Variants in CACNA2D2 observed in about 807,000 individuals in gnomAD.
CACNA2D2 encodes voltage-dependent calcium channel subunit alpha-2/delta-2.
In CACNA2D2, 48 loss-of-function variants were observed where a neutral mutation model predicts 166.4. That is an observed-to-expected ratio of 0.29 (90% CI 0.23 to 0.37). The LOEUF (loss-of-function observed/expected upper bound fraction) is 0.37. Ranked by LOEUF, CACNA2D2 falls within the 10% of genes least tolerant of loss-of-function variation. The pLI, the probability that CACNA2D2 is intolerant of heterozygous loss-of-function variation, is 1.00. For missense variants in CACNA2D2, 1,122 were observed against 1,433.0 expected (o/e 0.78, Z 3.50); for synonymous variants, 561 against 573.7 (o/e 0.98, Z 0.32).
intron 1 of CACNA2D2, among the ~76,000 whole-genome samples, chr3:50,478,788 G>T (rs1249218067): frequency 1.3e-5 from 2 of 152,154 alleles, no homozygotes; most frequent in Non-Finnish European, 2.9e-5. Context: ...TCTGCATTTG[G>T]TACCATCACC....
chr3:50,381,481 G>C (rs1705311372), intron 6 of CACNA2D2, among the ~76,000 whole-genome samples: 1 of 152,054 alleles, frequency 6.6e-6, no homozygotes, highest in Non-Finnish European at 1.5e-5. Flanking sequence ...AGCTAGCACT[G>C]GTCCCCCAGG....
intron 13 of CACNA2D2, 121 bp downstream of exon 13, chr3:50,378,794 A>C (rs931922652): frequency 5.2e-6 from 6 of 1,163,822 alleles, no homozygotes; most frequent in Non-Finnish European, 1.3e-6. Context: ...GGATGGGAGG[A>C]GGCACACTGT....
chr3:50,467,023 G>A (rs1009608767), intron 2 of CACNA2D2, among the ~76,000 whole-genome samples: 2 of 152,328 alleles, frequency 1.3e-5, no homozygotes, highest in South Asian at 2.1e-4. Flanking sequence ...GGGGGAGTGA[G>A]GAGTGTGGCA....
intron 22 of CACNA2D2, 71 bp downstream of exon 22, chr3:50,374,666 G>A: frequency 6.6e-7 from 1 of 1,525,236 alleles, no homozygotes; most frequent in South Asian, 1.2e-5. Context: ...CGCTGGCTAT[G>A]CTGCCTGGGG....
At chr3:50,436,799 T>C (rs1708372233) in intron 2 of CACNA2D2, among the ~76,000 whole-genome samples, 1 of 152,214 alleles carries the variant, frequency 6.6e-6, no homozygotes, top group Non-Finnish European at 1.5e-5. Context: ...ATCGGCTCCA[T>C]TCCTGAGCTG....
At chr3:50,404,732 A>G (rs1706612937) in intron 3 of CACNA2D2, among the ~76,000 whole-genome samples, 1 of 152,182 alleles carries the variant, frequency 6.6e-6, no homozygotes, top group Non-Finnish European at 1.5e-5. Flanking sequence ...GAGGTCAGTG[A>G]GCATTACAGA....
chr3:50,495,897 C>T (rs1471669543), intron 1 of CACNA2D2, among the ~76,000 whole-genome samples: 4 of 152,194 alleles, frequency 2.6e-5, no homozygotes, highest in Non-Finnish European at 5.9e-5. Context: ...CCTCTGAGTC[C>T]CAAGTCCTCC....
intron 22 of CACNA2D2, among the ~76,000 whole-genome samples, chr3:50,373,720 A>G (rs1575594368): frequency 7.4e-6 from 1 of 135,800 alleles, no homozygotes; most frequent in African/African-American, 2.8e-5. Flanking sequence ...AGATGCAGGG[A>G]GAAGAGGAGG....
intron 1 of CACNA2D2, among the ~76,000 whole-genome samples, chr3:50,486,245 G>A (rs1172599966): frequency 6.6e-6 from 1 of 152,180 alleles, no homozygotes; most frequent in Non-Finnish European, 1.5e-5. Flanking sequence ...AAATGGGTCA[G>A]GGAGGAACCC....
chr3:50,422,147 C>T (rs2106842998), intron 3 of CACNA2D2, among the ~76,000 whole-genome samples: 1 of 152,252 alleles, frequency 6.6e-6, no homozygotes, highest in South Asian at 2.1e-4. Context: ...TCAACCCCGA[C>T]ATCCCTGCAG....
At chr3:50,370,701 C>T (rs1311721410) in intron 22 of CACNA2D2, among the ~76,000 whole-genome samples, 2 of 151,890 alleles carry the variant, frequency 1.3e-5, no homozygotes, top group Non-Finnish European at 2.9e-5. Context: ...CACATATACA[C>T]GGACACACAC....
chr3:50,405,949 T>C (rs1706688721), intron 3 of CACNA2D2, among the ~76,000 whole-genome samples: 1 of 152,138 alleles, frequency 6.6e-6, no homozygotes, highest in East Asian at 1.9e-4. Context: ...CTCTGACCCC[T>C]GCTCTGACCC....
intron 2 of CACNA2D2, among the ~76,000 whole-genome samples, chr3:50,471,056 G>A (rs1053146022): frequency 3.3e-5 from 5 of 152,106 alleles, no homozygotes; most frequent in African/African-American, 4.8e-5. Flanking sequence ...TTTCACACCC[G>A]CGCTTCCCCA....
intron 2 of CACNA2D2, among the ~76,000 whole-genome samples, chr3:50,461,627 G>A (rs906325532): frequency 2.0e-5 from 3 of 151,932 alleles, no homozygotes; most frequent in African/African-American, 4.8e-5. Context: ...TGGGCGTGGC[G>A]GCGCAGATCT....
At chr3:50,433,955 T>A (rs1708192710) in intron 3 of CACNA2D2, among the ~76,000 whole-genome samples, 1 of 152,144 alleles carries the variant, frequency 6.6e-6, no homozygotes, top group South Asian at 2.1e-4. Context: ...CAGGTCACTA[T>A]CCTGGCCAGG....
chr3:50,434,288 C>T (rs982896080), intron 3 of CACNA2D2, 25 bp downstream of exon 3: 3 of 1,552,320 alleles, frequency 1.9e-6, no homozygotes, highest in African/African-American at 2.7e-5. Context: ...AGTGCCGCCC[C>T]CCTGCCCCCA....
chr3:50,496,120 C>T (rs1186946291), intron 1 of CACNA2D2, among the ~76,000 whole-genome samples: 2 of 152,196 alleles, frequency 1.3e-5, no homozygotes, highest in African/African-American at 4.8e-5. Flanking sequence ...CCCAGCCGAG[C>T]CCTGGCATTA....
rs1158315781 is a variant in CACNA2D2, at chr3:50,378,297, C to A, written c.1376G>T (p.Arg459Leu). 1.3e-6 allele frequency: 2 copies of A among 1,552,758 alleles called. No homozygotes were observed. The highest frequency in any genetic ancestry group is 8.7e-7 in the Non-Finnish European group (1 of 1,147,798). Residue 459 changes from arginine (R) to leucine (L), a missense_variant, in exon 14 of 38, where the codon CGC (arginine) becomes CTC (leucine). By Grantham distance (102) the Arg-to-Leu change is moderately radical (BLOSUM62 -2). Around this residue, in one of 2 missense-constraint regions of CACNA2D2, gnomAD observed 840 missense variants for 1,166.8 expected, o/e 0.72. Coordinates refer to ENST00000424201, the MANE Select transcript of CACNA2D2 (RefSeq NM_006030.4). The stretch of plus-strand genomic sequence containing the variant: ...CCCAAGTCTCACCTGTGTGTTGATG[C>A]GGATGGCTCCGATGGAAGGGATCTC... Reference protein sequence around the residue: ...YFEIPSIGAIRINTQEYLDVL... With the variant: ...YFEIPSIGAILINTQEYLDVL...
At position 50,366,140 on chromosome 3, in the gene CACNA2D2, C is replaced by G. The variant is rs1243967029; in HGVS notation, c.2733G>C (p.Val911=). 6.2e-7 allele frequency: 1 copy of G among 1,613,930 alleles called. No homozygotes were observed. The highest frequency in any genetic ancestry group is 1.6e-4 in the Middle Eastern group (1 of 6,062). ...AGAGTGCCAGCATCAGGTTGGCATC[C>G]ACCTCACTGAAGAACCTGCCCACCT... ...WDQVGRFFSE[V]DANLMLALYN... Residue 911 remains valine, a synonymous_variant, in exon 32 of 38, where the codon GTG becomes GTC. Transcript: ENST00000424201. This position sits in a 1 kb window ranked among gnomAD's most constrained non-coding sequence, Gnocchi z 5.9.
Sources: gnomAD v4.1 joint callset for allele counts (sites outside exome capture counted in the v4.1 genomes callset) on GRCh38, gnomAD v4.1.1 for gene constraint, gnomAD v4.1.1 regional missense constraint, Gnocchi (gnomAD v3.1) non-coding constraint, MANE v1.5 for transcripts, NCBI Gene and HGNC (gene_info 2026-07-23, HGNC 2026-07-21) for gene names.